SOX5: variants seen among roughly 807,000 people sequenced by gnomAD.
SOX5 encodes the protein SRY-box transcription factor 5, also known as transcription factor SOX-5.
SOX5 carries 9 observed loss-of-function variants against 92.0 expected under a neutral mutation model. That is an observed-to-expected ratio of 0.10 (90% CI 0.06 to 0.17). The LOEUF (loss-of-function observed/expected upper bound fraction) is 0.17. Among genes scored for constraint, SOX5 ranks in the 10% least tolerant of loss-of-function variants. The pLI, the probability that SOX5 is intolerant of heterozygous loss-of-function variation, is 1.00. For synonymous variants in SOX5, 344 were observed against 336.3 expected (o/e 1.02, Z -0.25); for missense variants, 642 against 944.5 (o/e 0.68, Z 4.20).
At chr12:24,495,944 A>G (rs1947591885) in intron 1 of SOX5, among the ~76,000 whole-genome samples, 1 of 152,190 alleles carries the variant, frequency 6.6e-6, no homozygotes, top group African/African-American at 2.4e-5. Context: ...ATCACTCCAG[A>G]TTTCTAAACT....
At chr12:23,970,164 A>G (rs1233966258) in intron 4 of SOX5, among the ~76,000 whole-genome samples, 1 of 152,212 alleles carries the variant, frequency 6.6e-6, no homozygotes, top group Non-Finnish European at 1.5e-5. Context: ...TCTATCATAA[A>G]AAAAGGAAAA....
intron 8 of SOX5, among the ~76,000 whole-genome samples, chr12:23,610,032 G>A (rs548763803): frequency 1.3e-5 from 2 of 152,132 alleles, no homozygotes; most frequent in South Asian, 2.1e-4. Context: ...ATTTTAACTT[G>A]TACTAATTAA....
At chr12:23,680,325 C>CAAAAAAAAAAAAAAAAAAAA (rs57754255) in intron 6 of SOX5, among the ~76,000 whole-genome samples, 4 of 48,388 alleles carry the variant, frequency 8.3e-5, no homozygotes, top group East Asian at 6.1e-4. Flanking sequence ...GACCTTGTCT[C>CAAAAAAAAAAAAAAAAAAAA]AAAAAAAAAA....
At chr12:24,226,627 C>T (rs1039789520) in intron 3 of SOX5, among the ~76,000 whole-genome samples, 1 of 152,096 alleles carries the variant, frequency 6.6e-6, no homozygotes, top group Non-Finnish European at 1.5e-5. Flanking sequence ...CCCGCCACCA[C>T]GCCCAGCTAA....
intron 1 of SOX5, among the ~76,000 whole-genome samples, chr12:24,432,437 A>C (rs1384759070): frequency 6.6e-6 from 1 of 152,194 alleles, no homozygotes; most frequent in Non-Finnish European, 1.5e-5. Context: ...GGAGATGTAC[A>C]TTTATAGTAT....
At chr12:23,762,617 A>AG in intron 3 of SOX5, 1 of 543,240 alleles carries the variant, frequency 1.8e-6, no homozygotes, top group Non-Finnish European at 3.2e-6. Flanking sequence ...CAAAAAGAAA[A>AG]AAAAAAAAGT....
At chr12:24,480,441 A>G (rs1405806288) in intron 1 of SOX5, among the ~76,000 whole-genome samples, 1 of 152,212 alleles carries the variant, frequency 6.6e-6, no homozygotes, top group Non-Finnish European at 1.5e-5. Flanking sequence ...TCTGTGCCAC[A>G]AAGGATACAT....
rs75691374 is a variant in SOX5, at chr12:23,628,476, T to C, written c.1017+12336A>G. Reference sequence around the variant, plus strand: ...AAATTATATGTTGAAGAAGTTCTAGTAGTAGAGAAAGCAAGACATAATATT... The same window carrying C: ...AAATTATATGTTGAAGAAGTTCTAGCAGTAGAGAAAGCAAGACATAATATT... On this transcript the variant is annotated intron_variant, in intron 8 of 14. Coordinates refer to ENST00000451604, the MANE Select transcript of SOX5 (RefSeq NM_006940.6). 6.5e-3 allele frequency among the ~76,000 whole-genome samples: 990 copies of C among 152,182 alleles called. 10 individuals are homozygous for C. The highest frequency in any genetic ancestry group is 0.02 in the Middle Eastern group (6 of 294).
chr12:24,391,833 A>G (rs2136495320), intron 1 of SOX5, among the ~76,000 whole-genome samples: 1 of 152,338 alleles, frequency 6.6e-6, no homozygotes, highest in African/African-American at 2.4e-5. Flanking sequence ...TATAGAAAAT[A>G]TAAACGTTTC....
chr12:24,325,502 T>C (rs1565908708), intron 2 of SOX5, among the ~76,000 whole-genome samples: 2 of 152,068 alleles, frequency 1.3e-5, no homozygotes, highest in South Asian at 4.2e-4. Context: ...CAATGAGCCT[T>C]GATTTAGAAA....
At position 23,590,062 on chromosome 12, in the gene SOX5, G is replaced by A. The variant is rs186536975; in HGVS notation, c.1165-14224C>T. 2.2e-4 allele frequency among the ~76,000 whole-genome samples: 33 copies of A among 151,978 alleles called. 1 individual carries two copies. The highest frequency in any genetic ancestry group is 1.2e-3 in the Admixed American group (19 of 15,246). On this transcript the variant is annotated intron_variant, in intron 9 of 14. Transcript: ENST00000451604. ...ATTTAGAATTCTATATAGAAATGAC[G>A]GTTTAGATGGATATTATATTGCTAG...
At chr12:24,535,082 G>A (rs1326515788) in intron 1 of SOX5, among the ~76,000 whole-genome samples, 4 of 152,154 alleles carry the variant, frequency 2.6e-5, no homozygotes, top group African/African-American at 4.8e-5. Context: ...CCACCATGGA[G>A]CCCAAGGCAT....
intron 1 of SOX5, among the ~76,000 whole-genome samples, chr12:24,373,172 C>T (rs1293090170): frequency 6.6e-6 from 1 of 151,840 alleles, no homozygotes; most frequent in Non-Finnish European, 1.5e-5. Flanking sequence ...AGTGCAAAGT[C>T]TAAGTATTTG....
chr12:24,526,374 G>A (rs1280846317), intron 1 of SOX5, among the ~76,000 whole-genome samples: 2 of 152,156 alleles, frequency 1.3e-5, no homozygotes, highest in African/African-American at 2.4e-5. Context: ...TGTATGAGCA[G>A]ACAGGAGAAA....
intron 8 of SOX5, among the ~76,000 whole-genome samples, chr12:23,611,785 C>G (rs1033442373): frequency 1.3e-5 from 2 of 151,992 alleles, no homozygotes; most frequent in African/African-American, 4.8e-5. Flanking sequence ...ATTGTGAAGA[C>G]AGTGCAAAGT....
chr12:23,687,505 A>C (rs755014317), intron 6 of SOX5, among the ~76,000 whole-genome samples: 2 of 152,064 alleles, frequency 1.3e-5, no homozygotes, highest in Non-Finnish European at 2.9e-5. Flanking sequence ...AATAAACCCT[A>C]CAGCACTTTC....
chr12:24,192,497 AT>A (rs1470356590), intron 4 of SOX5, among the ~76,000 whole-genome samples: 1 of 152,224 alleles, frequency 6.6e-6, no homozygotes, highest in African/African-American at 2.4e-5. Flanking sequence ...CATACAATTA[AT>A]GTTGGTTTTA....
chr12:24,478,906 T>C (rs1945671881), intron 1 of SOX5, among the ~76,000 whole-genome samples: 1 of 152,248 alleles, frequency 6.6e-6, no homozygotes, highest in Non-Finnish European at 1.5e-5. Flanking sequence ...ATTCCCTCGC[T>C]GGGAAATCTT....
At chr12:24,202,466 A>C (rs1433446777) in intron 4 of SOX5, among the ~76,000 whole-genome samples, 1 of 152,184 alleles carries the variant, frequency 6.6e-6, no homozygotes. Context: ...CAATCATCAA[A>C]ACCAAAAGAT....
Sources: allele counts gnomAD v4.1 joint callset (sites outside exome capture counted in the v4.1 genomes callset), GRCh38; gene constraint gnomAD v4.1.1; transcripts MANE v1.5; gene names NCBI Gene and HGNC (gene_info 2026-07-23, HGNC 2026-07-21).